Variants in SSH2 observed in about 807,000 individuals in gnomAD.
SSH2 encodes protein phosphatase Slingshot homolog 2.
A neutral mutation model predicts 135.2 loss-of-function variants in SSH2; 37 were observed. The ratio of observed to expected loss-of-function variants is 0.27; its 90% CI spans 0.21 to 0.36. The LOEUF is 0.36. Among genes scored for constraint, SSH2 ranks in the 10% least tolerant of loss-of-function variants. The probability of loss-of-function intolerance (pLI) is 1.00; values close to 1 mark genes in which losing one functional copy is unlikely to be tolerated. For synonymous variants in SSH2, 628 were observed against 646.2 expected (o/e 0.97, Z 0.43); for missense variants, 1,408 against 1,765.3 (o/e 0.80, Z 3.63).
intron 1 of SSH2, among the ~76,000 whole-genome samples, chr17:29,895,332 CATTTTATATATGA>C (rs1011298670): frequency 1.5e-4 from 6 of 41,120 alleles, no homozygotes; most frequent in African/African-American, 5.4e-4. Context: ...TTTATATATA[CATTTTATATATGA>C]AATATATAAA....
Position 29,626,424 on chromosome 17 carries a change from G to T in SSH2, c.*4417C>A, listed in dbSNP as rs1468921644. 6.5e-6 allele frequency: 1 copy of T among 152,712 alleles called. No homozygotes were observed. Among genetic ancestry groups the T allele is most frequent in the Non-Finnish European group, 1.5e-5 (1 of 68,044 alleles). The allele number at this position is 152,712 out of a possible 1,614,324, so 9.5% of individuals were successfully genotyped here. A position where few individuals can be genotyped will look rare whatever the true frequency, so the allele number is the denominator to read the frequency against. ...GGGCCAGTTACCCAGTTTTTAGTTT[G>T]GGTATTAGCTCTGCATGTGTACACA... is the stretch of plus-strand genomic sequence containing the variant. On this transcript the variant is annotated 3_prime_UTR_variant, in exon 16 of 16. Coordinates refer to ENST00000540801, the MANE Select transcript of SSH2 (RefSeq NM_001282129.2).
intron 13 of SSH2, among the ~76,000 whole-genome samples, chr17:29,650,347 C>G (rs1028693082): frequency 6.6e-6 from 1 of 152,188 alleles, no homozygotes; most frequent in Non-Finnish European, 1.5e-5. Flanking sequence ...CCACTGGCAA[C>G]TTAATTTCAT....
intron 1 of SSH2, among the ~76,000 whole-genome samples, chr17:29,868,367 G>C (rs550074058): frequency 3.2e-4 from 48 of 152,242 alleles, no homozygotes; most frequent in African/African-American, 1.1e-3. Context: ...CCACAGTTCA[G>C]TAGCCAACAC....
rs1046430515 is a variant in SSH2, at chr17:29,632,015, C to T, written c.3179G>A (p.Ser1060Asn). 1 of 1,614,242 alleles carries T rather than the reference C, an allele frequency of 6.2e-7. No homozygotes were observed. The highest frequency in any genetic ancestry group is 1.7e-5 in the Admixed American group (1 of 60,028). The stretch of plus-strand genomic sequence containing the variant: ...CAGCCCTTGCTCTCCGCTCTTCTCA[C>T]TGGTGGCTATTTCACTCCCTGGCCC... ...HTGPGSEIATSEKSGEQGLRK... is the reference protein window; with the variant it reads ...HTGPGSEIATNEKSGEQGLRK... Residue 1060 changes from serine to asparagine, a missense_variant, in exon 16 of 16, where the codon AGT (serine) becomes AAT (asparagine). By Grantham distance (46) the Ser-to-Asn change is conservative (BLOSUM62 1). Transcript: ENST00000540801.
intron 3 of SSH2, among the ~76,000 whole-genome samples, chr17:29,767,107 A>G (rs1307091396): frequency 6.6e-6 from 1 of 152,214 alleles, no homozygotes; most frequent in African/African-American, 2.4e-5. Context: ...CTTTTCCTCC[A>G]TAAGAGCAAT....
At chr17:29,661,594 C>T (rs992454938) in intron 11 of SSH2, among the ~76,000 whole-genome samples, 2 of 152,074 alleles carry the variant, frequency 1.3e-5, no homozygotes, top group Non-Finnish European at 2.9e-5. Flanking sequence ...AGCTTCTGCA[C>T]CAAAGAAATA....
At chr17:29,892,682 A>G (rs944473274) in intron 1 of SSH2, among the ~76,000 whole-genome samples, 4 of 152,048 alleles carry the variant, frequency 2.6e-5, no homozygotes, top group Non-Finnish European at 5.9e-5. Flanking sequence ...AAACATAACA[A>G]TCTTACTAGG....
chr17:29,680,163 A>G (rs1181835942), intron 6 of SSH2, among the ~76,000 whole-genome samples: 1 of 152,192 alleles, frequency 6.6e-6, no homozygotes, highest in Admixed American at 6.5e-5. Flanking sequence ...TAAAAACAAC[A>G]TAATGAATAC....
chr17:29,655,352 C>T (rs1363134812), intron 12 of SSH2, among the ~76,000 whole-genome samples: 2 of 152,180 alleles, frequency 1.3e-5, no homozygotes, highest in Non-Finnish European at 2.9e-5. Context: ...ATCCACCCGC[C>T]TCAGCTTCCC....
intron 11 of SSH2, among the ~76,000 whole-genome samples, chr17:29,658,867 CAAAAAAAAAAA>C (rs541052752): frequency 1.2e-4 from 4 of 33,410 alleles, no homozygotes; most frequent in African/African-American, 4.3e-4. Flanking sequence ...AACTCCGTCT[CAAAAAAAAAAA>C]AAAAAAAAAA....
chr17:29,744,732 T>C (rs751153825), intron 3 of SSH2, among the ~76,000 whole-genome samples: 2 of 152,176 alleles, frequency 1.3e-5, no homozygotes, highest in Non-Finnish European at 2.9e-5. Context: ...CTCACTCCAT[T>C]GTAAATATTA....
At chr17:29,810,188 G>A (rs1016428055) in intron 2 of SSH2, among the ~76,000 whole-genome samples, 7 of 124,332 alleles carry the variant, frequency 5.6e-5, no homozygotes, top group Non-Finnish European at 1.3e-4. Context: ...GATTCAGTCT[G>A]CAAACACCCT....
intron 5 of SSH2, among the ~76,000 whole-genome samples, chr17:29,689,285 T>C (rs192157248): frequency 1.2e-3 from 186 of 152,348 alleles, no homozygotes; most frequent in African/African-American, 4.3e-3. Flanking sequence ...ATTCCTCTGT[T>C]GGAGATAAGA....
At chr17:29,808,897 T>G (rs886704059) in intron 2 of SSH2, among the ~76,000 whole-genome samples, 4 of 152,160 alleles carry the variant, frequency 2.6e-5, no homozygotes, top group Non-Finnish European at 4.4e-5. Context: ...TTTGAGAGGC[T>G]AAGGCTAGAT....
At chr17:29,821,772 T>C (rs1276107586) in intron 2 of SSH2, among the ~76,000 whole-genome samples, 1 of 151,986 alleles carries the variant, frequency 6.6e-6, no homozygotes, top group Admixed American at 6.6e-5. Flanking sequence ...GCCTCCTGAG[T>C]AGCTGGGGCT....
chr17:29,637,580 G>C (rs535210541), intron 14 of SSH2, among the ~76,000 whole-genome samples: 1 of 151,958 alleles, frequency 6.6e-6, no homozygotes, highest in South Asian at 2.1e-4. Flanking sequence ...CCAGAAGTTC[G>C]AGACCAGCCT....
intron 3 of SSH2, among the ~76,000 whole-genome samples, chr17:29,755,804 G>GGCACCCGCCACC (rs1467905275): frequency 2.0e-5 from 3 of 150,834 alleles, no homozygotes. Flanking sequence ...TGGGACTACA[G>GGCACCCGCCACC]GCACCCGCCA....
intron 3 of SSH2, among the ~76,000 whole-genome samples, chr17:29,774,105 G>A (rs946073793): frequency 6.6e-6 from 1 of 152,190 alleles, no homozygotes; most frequent in African/African-American, 2.4e-5. Flanking sequence ...AGTTCCTAAA[G>A]TTTATACTGT....
intron 1 of SSH2, among the ~76,000 whole-genome samples, chr17:29,872,680 G>A (rs2065958239): frequency 6.6e-6 from 1 of 152,092 alleles, no homozygotes; most frequent in South Asian, 2.1e-4. Flanking sequence ...GGGCTTATAG[G>A]TGGATATTCC....
Sources: allele counts gnomAD v4.1 joint callset (sites outside exome capture counted in the v4.1 genomes callset), GRCh38; gene constraint gnomAD v4.1.1; transcripts MANE v1.5; gene names NCBI Gene and HGNC (gene_info 2026-07-23, HGNC 2026-07-21).